The following SLC44A5 variants were observed in gnomAD, a reference collection of about 807,000 sequenced individuals.
The protein encoded by SLC44A5 is solute carrier family 44 member 5, also known as choline transporter-like protein 5.
A neutral mutation model predicts 101.8 loss-of-function variants in SLC44A5; 57 were observed. That is an observed-to-expected ratio of 0.56 (90% CI 0.45 to 0.70). The LOEUF (loss-of-function observed/expected upper bound fraction) is 0.70, where lower values mean the gene tolerates loss of function less well. Among genes scored for constraint, SLC44A5 ranks in the 30% least tolerant of loss-of-function variants. The probability of loss-of-function intolerance (pLI) is 0.00; values close to 1 mark genes in which losing one functional copy is unlikely to be tolerated. For missense variants in SLC44A5, 737 were observed against 853.1 expected (o/e 0.86, Z 1.70); for synonymous variants, 281 against 290.9 (o/e 0.97, Z 0.35).
At chr1:75,620,086 G>A in the SLC44A5 span, among the ~76,000 whole-genome samples, 1 of 152,146 alleles carries the variant, frequency 6.6e-6, no homozygotes, top group African/African-American at 2.4e-5. Flanking sequence ...TGTGGTGTTT[G>A]GTTTTCTGCT....
At chr1:75,487,554 G>A (rs1448648031) in intron 2 of SLC44A5, among the ~76,000 whole-genome samples, 2 of 152,178 alleles carry the variant, frequency 1.3e-5, no homozygotes, top group East Asian at 3.9e-4. Flanking sequence ...CTACTACAGA[G>A]TTGACTCAGA....
chr1:75,296,364 TTC>T (rs1278633712), intron 5 of SLC44A5, among the ~76,000 whole-genome samples: 42 of 74,792 alleles, frequency 5.6e-4, no homozygotes, highest in African/African-American at 1.9e-3. Flanking sequence ...CAGTTTTTTT[TTC>T]TTTTTTTTTT....
At chr1:75,487,345 T>C (rs1432397000) in intron 2 of SLC44A5, among the ~76,000 whole-genome samples, 1 of 152,150 alleles carries the variant, frequency 6.6e-6, no homozygotes, top group Non-Finnish European at 1.5e-5. Context: ...AAACCTGATA[T>C]ATAAAATGAA....
chr1:75,300,545 T>C, intron 5 of SLC44A5, 67 bp downstream of exon 5: 1 of 1,054,158 alleles, frequency 9.5e-7, no homozygotes. Context: ...TAATTTTTTA[T>C]ATGTGACACT....
chr1:75,635,958 T>C, the SLC44A5 span, among the ~76,000 whole-genome samples: 1 of 152,076 alleles, frequency 6.6e-6, no homozygotes, highest in Non-Finnish European at 1.5e-5. Flanking sequence ...TGTAAATTTG[T>C]TACATTCATA....
intron 1 of SLC44A5, among the ~76,000 whole-genome samples, chr1:75,548,319 T>C (rs1570587101): frequency 6.6e-6 from 1 of 152,146 alleles, no homozygotes; most frequent in East Asian, 1.9e-4. Flanking sequence ...ATCGATCTAA[T>C]AGTTTCAGTG....
At chr1:75,611,244 G>A (rs1675643426), upstream of SLC44A5, 1 of 202,172 alleles carries the variant, frequency 4.9e-6, no homozygotes, top group Non-Finnish European at 8.8e-6. Context: ...AGTATAAAGA[G>A]GGGGAGGAGA....
the SLC44A5 span, among the ~76,000 whole-genome samples, chr1:75,701,378 G>T: frequency 1.5e-4 from 23 of 152,240 alleles, no homozygotes; most frequent in East Asian, 4.4e-3. Flanking sequence ...ACATAATCCA[G>T]CATATAAACA....
At chr1:75,246,969 A>G (rs1649164857) in intron 7 of SLC44A5, among the ~76,000 whole-genome samples, 1 of 152,080 alleles carries the variant, frequency 6.6e-6, no homozygotes, top group Non-Finnish European at 1.5e-5. Context: ...GGTCATTGTT[A>G]GGACCTTGGC....
At chr1:75,610,986 C>T (rs1675630500) in intron 1 of SLC44A5, 54 bp downstream of exon 1, 1 of 838,292 alleles carries the variant, frequency 1.2e-6, no homozygotes, top group Non-Finnish European at 1.4e-6. Flanking sequence ...GAATAACAAA[C>T]TTGACCAATT....
chr1:75,573,692 A>G (rs1425873078), intron 1 of SLC44A5, among the ~76,000 whole-genome samples: 1 of 152,204 alleles, frequency 6.6e-6, no homozygotes, highest in Non-Finnish European at 1.5e-5. Context: ...ATTGCCACAA[A>G]CTATGCCGAT....
At chr1:75,328,664 A>C (rs1471171277) in intron 4 of SLC44A5, among the ~76,000 whole-genome samples, 1 of 152,152 alleles carries the variant, frequency 6.6e-6, no homozygotes, top group East Asian at 1.9e-4. Context: ...AGATGATCAT[A>C]TGGCCCTCCT....
chr1:75,510,364 T>A (rs1355908912), intron 2 of SLC44A5, among the ~76,000 whole-genome samples: 2 of 152,174 alleles, frequency 1.3e-5, no homozygotes, highest in Admixed American at 6.5e-5. Context: ...TCAAATTTGA[T>A]AAGATAAATT....
rs75552779 is a variant in SLC44A5 at position 75,589,083 on chromosome 1, C to T, written c.-70+21957G>A. Among the ~76,000 whole-genome samples, 946 of 152,288 alleles carry T rather than the reference C, an allele frequency of 6.2e-3. 13 individuals carry two copies. Among genetic ancestry groups the T allele is most frequent in the African/African-American group, 0.021 (879 of 41,552 alleles). On this transcript the variant is annotated intron_variant, in intron 1 of 23. Coordinates refer to ENST00000370859, the MANE Select transcript of SLC44A5 (RefSeq NM_001130058.2). Reference sequence around the variant, plus strand: ...GTTAAGTTTGGAGGAACTGCATTCACGCGCACCCTCTCTCTTTCTCTCTCT... The same window carrying T: ...GTTAAGTTTGGAGGAACTGCATTCATGCGCACCCTCTCTCTTTCTCTCTCT...
chr1:75,311,185 C>T (rs1307497367), intron 4 of SLC44A5, among the ~76,000 whole-genome samples: 2 of 151,590 alleles, frequency 1.3e-5, no homozygotes, highest in African/African-American at 4.8e-5. Flanking sequence ...GGCACGATCT[C>T]GGCTCACTGC....
intron 2 of SLC44A5, among the ~76,000 whole-genome samples, chr1:75,520,842 A>G (rs1419102754): frequency 6.6e-6 from 1 of 152,164 alleles, no homozygotes; most frequent in East Asian, 1.9e-4. Flanking sequence ...TTAACAATAC[A>G]CTATTTTTCA....
chr1:75,424,983 G>C (rs1284295880), intron 2 of SLC44A5, among the ~76,000 whole-genome samples: 1 of 152,138 alleles, frequency 6.6e-6, no homozygotes. Flanking sequence ...ACACTTTGGT[G>C]GTAGGAAGCA....
chr1:75,541,507 A>G lies in SLC44A5; in HGVS notation c.-60T>C, dbSNP rs1671355012. 6.3e-7 allele frequency: 1 copy of G among 1,597,948 alleles called. No homozygotes were observed. Among genetic ancestry groups the G allele is most frequent in the Non-Finnish European group, 8.5e-7 (1 of 1,173,212 alleles). The stretch of plus-strand genomic sequence containing the variant: ...GAATCACTGCAAACTTGAGTTGCTT[A>G]GAAAAGAGTCTGTGATAAAAACAAG... On this transcript the variant is annotated 5_prime_UTR_variant, in exon 2 of 24. Transcript: ENST00000370859.
intron 2 of SLC44A5, among the ~76,000 whole-genome samples, chr1:75,485,193 A>G (rs575187327): frequency 5.6e-4 from 85 of 152,368 alleles, no homozygotes; most frequent in African/African-American, 2.0e-3. Flanking sequence ...CAAGCTGCAC[A>G]TTTTCCAAAC....
Sources: allele counts gnomAD v4.1 joint callset (sites outside exome capture counted in the v4.1 genomes callset), GRCh38; gene constraint gnomAD v4.1.1; transcripts MANE v1.5; gene names NCBI Gene and HGNC (gene_info 2026-07-23, HGNC 2026-07-21).